ZNF483: variants seen among roughly 807,000 people sequenced by gnomAD.
ZNF483 encodes zinc finger protein HIT-10.
In ZNF483, 9 loss-of-function variants were observed where a neutral mutation model predicts 28.6. The ratio of observed to expected loss-of-function variants is 0.32; its 90% CI spans 0.19 to 0.55. ZNF483 has a LOEUF of 0.55. Among genes scored for constraint, ZNF483 ranks in the 20% least tolerant of loss-of-function variants. The pLI is 0.93. For synonymous variants in ZNF483, 322 were observed against 306.2 expected (o/e 1.05, Z -0.54); for missense variants, 675 against 871.7 (o/e 0.77, Z 2.84).
intron 5 of ZNF483, among the ~76,000 whole-genome samples, chr9:111,560,461 G>A (rs1257209050): frequency 8.3e-6 from 1 of 119,818 alleles, no homozygotes; most frequent in African/African-American, 3.2e-5. Flanking sequence ...GTGACAGAGC[G>A]AGACTCCATC....
chr9:111,571,492 A>G (rs1828818031), intron 5 of ZNF483, among the ~76,000 whole-genome samples: 1 of 149,434 alleles, frequency 6.7e-6, no homozygotes. Context: ...GTCGTTTTTA[A>G]TTTGAGACAG....
intron 5 of ZNF483, among the ~76,000 whole-genome samples, chr9:111,575,620 A>G (rs1829022825): frequency 6.6e-6 from 1 of 152,268 alleles, no homozygotes; most frequent in Non-Finnish European, 1.5e-5. Flanking sequence ...TTGGTTTTCT[A>G]CAGAAGTGCT....
At position 111,571,395 on chromosome 9, in the gene ZNF483, C is replaced by A. The variant is rs1044852007; in HGVS notation, c.722-4970C>A. 5.4e-5 allele frequency among the ~76,000 whole-genome samples: 8 copies of A among 149,416 alleles called. 1 individual carries two copies. The highest frequency in any genetic ancestry group is 1.2e-4 in the African/African-American group (5 of 41,212). On this transcript the variant is annotated intron_variant, in intron 5 of 5. Transcript: ENST00000358151. ...CTCCACTCCAGCCTGGGTGACAGAGCGAGACTCGGTTTCAAAAAGAAAAAA... is the reference window on the plus strand; with the variant it reads ...CTCCACTCCAGCCTGGGTGACAGAGAGAGACTCGGTTTCAAAAAGAAAAAA...
In ZNF483 at chr9:111,553,505, A is replaced by G. The variant is rs888754292; in HGVS notation, c.*10335A>G. Among the ~76,000 whole-genome samples, 1 of 152,210 alleles carries G rather than the reference A, an allele frequency of 6.6e-6. No homozygotes were observed. The highest frequency in any genetic ancestry group is 1.5e-5 in the Non-Finnish European group (1 of 68,022). ...ACTCTATCTTGTGCTATCTGCATAAAATATCCAAGTAAACACATTGTGATT... is the reference window on the plus strand; with the variant it reads ...ACTCTATCTTGTGCTATCTGCATAAGATATCCAAGTAAACACATTGTGATT... On this transcript the variant is annotated 3_prime_UTR_variant, in exon 6 of 6. Coordinates refer to ENST00000309235, the MANE Select transcript of ZNF483 (RefSeq NM_133464.5).
intron 3 of ZNF483, 134 bp from the exon 4 acceptor site, chr9:111,533,605 G>T: frequency 1.2e-6 from 1 of 801,064 alleles, no homozygotes; most frequent in Non-Finnish European, 1.8e-6. Context: ...AGGAGGTTGA[G>T]CCTGCAGTGA....
Position 111,543,407 on chromosome 9 carries a change from C to G in ZNF483, c.*237C>G. On this transcript the variant is annotated 3_prime_UTR_variant, in exon 6 of 6. Coordinates refer to ENST00000309235, the MANE Select transcript of ZNF483 (RefSeq NM_133464.5). ...AATGCAAAATGATTCTGAGGCCAGACGAATTGGAAAAGCTCTTTTCTTCAG... is the reference window on the plus strand; with the variant it reads ...AATGCAAAATGATTCTGAGGCCAGAGGAATTGGAAAAGCTCTTTTCTTCAG... The G allele has an allele frequency of 8.0e-7, 1 of 1,257,730 alleles. No homozygotes were observed. Among genetic ancestry groups the G allele is most frequent in the Non-Finnish European group, 1.0e-6 (1 of 1,000,148 alleles). The allele number at this position is 1,257,730 out of a possible 1,614,324, so 77.9% of individuals were successfully genotyped here.
Position 111,543,907 on chromosome 9 carries a change from A to C in ZNF483, c.*737A>C, listed in dbSNP as rs1258913191. The C allele has an allele frequency of 1.0e-6, 1 of 984,794 alleles. No homozygotes were observed. The highest frequency in any genetic ancestry group is 1.2e-6 in the Non-Finnish European group (1 of 829,870). The allele number at this position is 984,794 out of a possible 1,614,324, so 61.0% of individuals were successfully genotyped here. A position where few individuals can be genotyped will look rare whatever the true frequency, so the allele number is the denominator to read the frequency against. On this transcript the variant is annotated 3_prime_UTR_variant, in exon 6 of 6. Coordinates refer to ENST00000309235, the MANE Select transcript of ZNF483 (RefSeq NM_133464.5). The stretch of plus-strand genomic sequence containing the variant: ...GTAGCTGACATTACGGGTACACTCC[A>C]TCAAGCCTGGTTCCTAGGATGCTGG...
chr9:111,539,369 C>G (rs768739680), intron 5 of ZNF483: 1 of 449,628 alleles, frequency 2.2e-6, no homozygotes, highest in East Asian at 7.0e-5. Flanking sequence ...GCTTCTGCTC[C>G]TCATGTGTCA....
chr9:111,555,709 G>C (rs1324786868), downstream of ZNF483, among the ~76,000 whole-genome samples: 1 of 152,098 alleles, frequency 6.6e-6, no homozygotes, highest in Non-Finnish European at 1.5e-5. Context: ...TAAACAACCA[G>C]ATCTCATGAG....
intron 5 of ZNF483, among the ~76,000 whole-genome samples, chr9:111,566,135 A>G (rs1828550942): frequency 6.6e-6 from 1 of 152,096 alleles, no homozygotes; most frequent in African/African-American, 2.4e-5. Context: ...CCCAGGAAGT[A>G]GAGGTTGCAG....
At chr9:111,557,148 C>G (rs1828147260), downstream of ZNF483, among the ~76,000 whole-genome samples, 1 of 152,148 alleles carries the variant, frequency 6.6e-6, no homozygotes, top group Non-Finnish European at 1.5e-5. Flanking sequence ...AATTCCTCCC[C>G]AGAAAATTGG....
At chr9:111,533,703 A>G in intron 3 of ZNF483, 36 bp from the exon 4 acceptor site, 1 of 1,528,070 alleles carries the variant, frequency 6.5e-7, no homozygotes, top group African/African-American at 1.4e-5. Flanking sequence ...TCTATTTGGG[A>G]ATAATCCAAT....
intron 5 of ZNF483, among the ~76,000 whole-genome samples, chr9:111,538,439 A>G (rs544044512): frequency 1.3e-5 from 2 of 151,778 alleles, no homozygotes; most frequent in Admixed American, 1.3e-4. Context: ...GCAGTGAGCT[A>G]TAATCATGCC....
chr9:111,539,226 G>C (rs1827606719), intron 5 of ZNF483, among the ~76,000 whole-genome samples: 2 of 150,518 alleles, frequency 1.3e-5, no homozygotes, highest in Non-Finnish European at 2.9e-5. Context: ...AATTTAAATA[G>C]CTTGTGAACA....
intron 5 of ZNF483, chr9:111,570,013 G>A (rs1166487252): frequency 6.3e-7 from 1 of 1,591,488 alleles, no homozygotes; most frequent in Non-Finnish European, 8.6e-7. Flanking sequence ...GGGAAGAATT[G>A]GTAGAACAAA....
Position 111,551,081 on chromosome 9 carries a change from T to A in ZNF483, c.*7911T>A, listed in dbSNP as rs1320078468. Among the ~76,000 whole-genome samples the A allele has an allele frequency of 6.6e-6, 1 of 152,214 alleles. No homozygotes were observed. ...GTGAGCCACATACATAATTTCAAAT[T>A]TTCTAGTAGCCACTTTTAGAAAATA... On this transcript the variant is annotated 3_prime_UTR_variant, in exon 6 of 6. Transcript: ENST00000309235.
intron 5 of ZNF483, chr9:111,575,575 C>G (rs1210466280): frequency 1.3e-5 from 2 of 152,164 alleles, no homozygotes; most frequent in Non-Finnish European, 2.9e-5. Context: ...AACTGAATCA[C>G]GAGTCCAAAA....
chr9:111,538,653 G>A (rs1353311746), intron 5 of ZNF483, among the ~76,000 whole-genome samples: 4 of 152,282 alleles, frequency 2.6e-5, no homozygotes, highest in Middle Eastern at 6.8e-3. Context: ...AGTGTTTTGT[G>A]TAGTTCTAGC....
In ZNF483 at chr9:111,543,077, C is replaced by T. The variant is rs142474847; in HGVS notation, c.2142C>T (p.Thr714=). 90 of 1,613,804 alleles carry T rather than the reference C, an allele frequency of 5.6e-5. No homozygotes were observed. Among genetic ancestry groups the T allele is most frequent in the East Asian group, 1.6e-4 (7 of 44,872 alleles). ...SILVEHLKIH[T]GRREYECNEC... is the part of the protein sequence containing the mutation. Reference sequence around the variant, plus strand: ...TTGTAGAACACCTAAAAATTCATACCGGAAGGAGAGAATATGAATGTAACG... The same window carrying T: ...TTGTAGAACACCTAAAAATTCATACTGGAAGGAGAGAATATGAATGTAACG... Residue 714 remains threonine (T), a synonymous_variant, in exon 6 of 6, where the codon ACC becomes ACT. Transcript: ENST00000309235.
Sources: allele counts gnomAD v4.1 joint callset (sites outside exome capture counted in the v4.1 genomes callset), GRCh38; gene constraint gnomAD v4.1.1; transcripts MANE v1.5; gene names NCBI Gene and HGNC (gene_info 2026-07-23, HGNC 2026-07-21).